The following OPCML variants were observed in gnomAD, a reference collection of about 807,000 sequenced individuals.
OPCML encodes opioid binding protein/cell adhesion molecule like, also known as opioid-binding protein/cell adhesion molecule.
OPCML carries 13 observed loss-of-function variants against 37.8 expected under a neutral mutation model. The observed-to-expected ratio is 0.34, with a 90% CI of 0.22 to 0.55. The LOEUF (loss-of-function observed/expected upper bound fraction) is 0.55. OPCML is among the 20% of genes least tolerant of loss of function. The pLI is 0.91. For synonymous variants in OPCML, 176 were observed against 168.8 expected (o/e 1.04, Z -0.33); for missense variants, 341 against 435.6 (o/e 0.78, Z 1.93).
intron 1 of OPCML, among the ~76,000 whole-genome samples, chr11:133,138,490 A>G (rs181375288): frequency 1.3e-5 from 2 of 152,324 alleles, no homozygotes; most frequent in Admixed American, 6.5e-5. Flanking sequence ...GACAGCCAGT[A>G]TCTACCTCTG....
At chr11:133,470,565 C>T (rs1947083601) in intron 1 of OPCML, among the ~76,000 whole-genome samples, 1 of 152,168 alleles carries the variant, frequency 6.6e-6, no homozygotes, top group African/African-American at 2.4e-5. Flanking sequence ...CTTTCTTTCC[C>T]TGGTCCCTGC....
At chr11:133,215,120 G>C (rs1939528217) in intron 1 of OPCML, among the ~76,000 whole-genome samples, 1 of 152,144 alleles carries the variant, frequency 6.6e-6, no homozygotes, top group Admixed American at 6.5e-5. Flanking sequence ...TTAAGCAGCT[G>C]TAAACCAGGG....
At chr11:132,649,599 C>T (rs1232719125) in intron 3 of OPCML, among the ~76,000 whole-genome samples, 1 of 152,062 alleles carries the variant, frequency 6.6e-6, no homozygotes, top group East Asian at 1.9e-4. Flanking sequence ...TGGACAGTAA[C>T]TTCATTCTTG....
intron 1 of OPCML, chr11:133,421,589 G>A: frequency 1.0e-6 from 1 of 985,384 alleles, no homozygotes; most frequent in South Asian, 4.7e-5. Context: ...TGAAAACTGG[G>A]AGTTTCAACC....
chr11:132,791,756 A>G lies in OPCML; in HGVS notation c.147-134437T>C, dbSNP rs538075695. ...AGGAGACTCTCTTTCTGATTTGCAA[A>G]CTGATATCTCAAATAAAGCTTGCCT... On this transcript the variant is annotated intron_variant, in intron 2 of 7. Transcript: ENST00000524381. 2.0e-3 allele frequency among the ~76,000 whole-genome samples: 304 copies of G among 152,148 alleles called. 1 individual carries two copies. The highest frequency in any genetic ancestry group is 3.5e-3 in the Non-Finnish European group (238 of 67,986).
At chr11:133,299,820 G>C (rs1942734809) in intron 1 of OPCML, 1 of 152,110 alleles carries the variant, frequency 6.6e-6, no homozygotes, top group South Asian at 2.1e-4. Flanking sequence ...AGGTGAACGG[G>C]AAGAGGAGGA....
At chr11:132,603,099 C>A (rs965543321) in intron 3 of OPCML, among the ~76,000 whole-genome samples, 2 of 152,126 alleles carry the variant, frequency 1.3e-5, no homozygotes, top group African/African-American at 4.8e-5. Context: ...TCCTAGTTTG[C>A]TCTTCATCTG....
At chr11:132,441,723 G>A (rs2096036245) in intron 4 of OPCML, among the ~76,000 whole-genome samples, 1 of 152,106 alleles carries the variant, frequency 6.6e-6, no homozygotes, top group Admixed American at 6.5e-5. Context: ...GTGCCTCAAA[G>A]AAGATGAGTT....
intron 4 of OPCML, among the ~76,000 whole-genome samples, chr11:132,504,708 A>T (rs1366421575): frequency 6.6e-6 from 1 of 151,708 alleles, no homozygotes; most frequent in Non-Finnish European, 1.5e-5. Flanking sequence ...TCTCAGAATG[A>T]CTTGTCGGGA....
intron 3 of OPCML, among the ~76,000 whole-genome samples, chr11:132,633,165 G>A (rs1388518936): frequency 1.3e-5 from 2 of 152,080 alleles, no homozygotes; most frequent in East Asian, 1.9e-4. Flanking sequence ...CAGTAACAGA[G>A]CACCCAACTG....
intron 2 of OPCML, among the ~76,000 whole-genome samples, chr11:132,733,142 C>T (rs1232616582): frequency 6.6e-6 from 1 of 151,860 alleles, no homozygotes; most frequent in Non-Finnish European, 1.5e-5. Context: ...TGAAATAATT[C>T]TGGGAGCGAA....
intron 2 of OPCML, among the ~76,000 whole-genome samples, chr11:132,804,865 C>CA (rs1485747061): frequency 9.2e-5 from 14 of 152,004 alleles, no homozygotes; most frequent in African/African-American, 3.1e-4. Flanking sequence ...CAATATTCAA[C>CA]AAAAAATCAA....
chr11:133,121,911 G>C (rs1302442877), intron 1 of OPCML, among the ~76,000 whole-genome samples: 2 of 152,146 alleles, frequency 1.3e-5, no homozygotes, highest in Non-Finnish European at 2.9e-5. Context: ...CTGTCCCCAG[G>C]AAAGTGATCA....
At chr11:132,933,215 T>C (rs1945267306) in intron 2 of OPCML, among the ~76,000 whole-genome samples, 1 of 152,302 alleles carries the variant, frequency 6.6e-6, no homozygotes, top group South Asian at 2.1e-4. Flanking sequence ...AATCCCTTCA[T>C]CCTGAGATGG....
intron 4 of OPCML, among the ~76,000 whole-genome samples, chr11:132,510,615 C>T (rs2096266786): frequency 6.6e-6 from 1 of 152,136 alleles, no homozygotes; most frequent in Admixed American, 6.5e-5. Flanking sequence ...TCAGGGCTTT[C>T]CACTTTTGCT....
At chr11:132,536,882 C>T (rs1041200612) in intron 3 of OPCML, among the ~76,000 whole-genome samples, 21 of 152,118 alleles carry the variant, frequency 1.4e-4, no homozygotes, top group Non-Finnish European at 2.2e-4. Flanking sequence ...TGACATTTTT[C>T]TAATCATTTA....
At chr11:133,059,906 C>A (rs944140993) in intron 1 of OPCML, among the ~76,000 whole-genome samples, 7 of 152,158 alleles carry the variant, frequency 4.6e-5, no homozygotes, top group Admixed American at 4.6e-4. Context: ...CAAATGTGAG[C>A]TTTCAGGTAA....
chr11:133,169,965 G>C (rs554624189), intron 1 of OPCML, among the ~76,000 whole-genome samples: 1 of 151,518 alleles, frequency 6.6e-6, no homozygotes, highest in Non-Finnish European at 1.5e-5. Flanking sequence ...AAAGAACATT[G>C]TATGAGTGTT....
intron 3 of OPCML, among the ~76,000 whole-genome samples, chr11:132,624,096 T>C (rs1236144349): frequency 2.0e-5 from 3 of 152,234 alleles, no homozygotes; most frequent in Admixed American, 6.5e-5. Context: ...CAATAAATAT[T>C]TGCAATTTAG....
Sources: allele counts gnomAD v4.1 joint callset (sites outside exome capture counted in the v4.1 genomes callset), GRCh38; gene constraint gnomAD v4.1.1; transcripts MANE v1.5; gene names NCBI Gene and HGNC (gene_info 2026-07-23, HGNC 2026-07-21).